DIAPH3: variants seen among roughly 807,000 people sequenced by gnomAD.
The protein encoded by DIAPH3 is diaphanous related formin 3, also known as protein diaphanous homolog 3.
A neutral mutation model predicts 144.3 loss-of-function variants in DIAPH3; 117 were observed. The observed-to-expected ratio is 0.81, with a 90% CI of 0.70 to 0.95. DIAPH3 has a LOEUF of 0.95. Among genes scored for constraint, DIAPH3 ranks in the 40% least tolerant of loss-of-function variants. The pLI, the probability that DIAPH3 is intolerant of heterozygous loss-of-function variation, is 0.00. For synonymous variants in DIAPH3, 519 were observed against 488.9 expected (o/e 1.06, Z -0.81); for missense variants, 1,421 against 1,412.7 (o/e 1.01, Z -0.09).
chr13:59,873,888 T>G (rs978665544), intron 21 of DIAPH3, among the ~76,000 whole-genome samples: 1 of 151,986 alleles, frequency 6.6e-6, no homozygotes, highest in Non-Finnish European at 1.5e-5. Context: ...GCCAGGCTGG[T>G]CTCAAACTCC....
At chr13:59,911,874 T>C (rs568190592) in intron 19 of DIAPH3, 38 bp from the exon 20 acceptor site, 1 of 1,367,652 alleles carries the variant, frequency 7.3e-7, no homozygotes, top group African/African-American at 1.4e-5. Context: ...CTTCACTAAA[T>C]GTACTTCTTG....
intron 4 of DIAPH3, among the ~76,000 whole-genome samples, chr13:60,093,286 C>A (rs1188461081): frequency 6.6e-6 from 1 of 152,124 alleles, no homozygotes; most frequent in Non-Finnish European, 1.5e-5. Flanking sequence ...AGAGTAAAAT[C>A]GGTCTCACTT....
intron 21 of DIAPH3, among the ~76,000 whole-genome samples, chr13:59,878,062 T>C (rs2044746794): frequency 6.6e-6 from 1 of 152,096 alleles, no homozygotes; most frequent in Admixed American, 6.6e-5. Context: ...ATGTGGAAAA[T>C]ATGAGTCTCA....
chr13:59,666,381 A>T lies in DIAPH3; in HGVS notation c.*203T>A. The T allele has an allele frequency of 3.9e-6, 2 of 509,122 alleles. No homozygotes were observed. Among genetic ancestry groups the T allele is most frequent in the Non-Finnish European group, 3.3e-6 (1 of 306,038 alleles). The allele number at this position is 509,122 out of a possible 1,614,324, so 31.5% of individuals were successfully genotyped here. A position where few individuals can be genotyped will look rare whatever the true frequency, so the allele number is the denominator to read the frequency against. ...ACAAAAAAAAAAAAAAAAGGATTAA[A>T]GCCCGGTACAATCTTGAATAAACCA... On this transcript the variant is annotated 3_prime_UTR_variant, in exon 28 of 28. Transcript: ENST00000400324.
intron 27 of DIAPH3, among the ~76,000 whole-genome samples, chr13:59,720,326 T>C (rs2035277252): frequency 6.6e-6 from 1 of 152,160 alleles, no homozygotes; most frequent in East Asian, 1.9e-4. Flanking sequence ...AAAATCTGAA[T>C]TTTGAACCAT....
intron 4 of DIAPH3, among the ~76,000 whole-genome samples, chr13:60,075,894 G>A (rs2057361764): frequency 6.6e-6 from 1 of 152,162 alleles, no homozygotes; most frequent in Admixed American, 6.5e-5. Context: ...TATCTTCCAT[G>A]GAATGCATAT....
intron 4 of DIAPH3, among the ~76,000 whole-genome samples, chr13:60,063,594 T>C (rs2056849497): frequency 6.6e-6 from 1 of 152,106 alleles, no homozygotes; most frequent in South Asian, 2.1e-4. Flanking sequence ...CCTTGATCCA[T>C]GGGATGCAGA....
At chr13:60,161,535 C>T (rs1307951803) in intron 1 of DIAPH3, among the ~76,000 whole-genome samples, 1 of 152,206 alleles carries the variant, frequency 6.6e-6, no homozygotes, top group African/African-American at 2.4e-5. Context: ...TCCAGTTCAA[C>T]AGGAAGGTGG....
chr13:60,125,394 A>ATTTTTTTTTTTGTTTTTTTTTTTTTT (rs2058961596), intron 2 of DIAPH3, among the ~76,000 whole-genome samples: 1 of 97,830 alleles, frequency 1.0e-5, no homozygotes, highest in Non-Finnish European at 2.0e-5. Flanking sequence ...CACCCAGCTA[A>ATTTTTTTTTTTGTTTTTTTTTTTTTT]TTTTTTTTTT....
chr13:59,921,700 CAA>C (rs1156355112), intron 18 of DIAPH3, among the ~76,000 whole-genome samples: 3 of 151,968 alleles, frequency 2.0e-5, no homozygotes, highest in African/African-American at 4.8e-5. Context: ...CAAAAAAAAT[CAA>C]AGAGTAGAGA....
At chr13:60,135,652 A>C (rs951056165) in intron 1 of DIAPH3, among the ~76,000 whole-genome samples, 1 of 152,238 alleles carries the variant, frequency 6.6e-6, no homozygotes, top group African/African-American at 2.4e-5. Context: ...TAACAGAGTA[A>C]GGAGCTGGAA....
intron 2 of DIAPH3, among the ~76,000 whole-genome samples, chr13:60,116,777 A>C (rs1346452313): frequency 6.6e-6 from 1 of 152,102 alleles, no homozygotes; most frequent in Admixed American, 6.5e-5. Flanking sequence ...CAGTAATAGA[A>C]GACATAAAAT....
chr13:59,827,536 G>T (rs1422304524), intron 24 of DIAPH3, among the ~76,000 whole-genome samples: 1 of 152,028 alleles, frequency 6.6e-6, no homozygotes, highest in East Asian at 1.9e-4. Context: ...GATGTCAGAT[G>T]AAATTTGCTT....
At chr13:59,759,462 T>C (rs2037460010) in intron 27 of DIAPH3, among the ~76,000 whole-genome samples, 1 of 152,194 alleles carries the variant, frequency 6.6e-6, no homozygotes, top group Non-Finnish European at 1.5e-5. Context: ...TTCTACAACA[T>C]AGTACCTAGA....
At chr13:59,991,468 ACTTCC>A (rs1476696649) in intron 11 of DIAPH3, among the ~76,000 whole-genome samples, 194 bp from the exon 12 acceptor site, 1 of 151,964 alleles carries the variant, frequency 6.6e-6, no homozygotes, top group African/African-American at 2.4e-5. Context: ...ACACTTCCTG[ACTTCC>A]CTTCTACAAT....
intron 27 of DIAPH3, among the ~76,000 whole-genome samples, chr13:59,773,150 A>C (rs1041762133): frequency 4.6e-5 from 7 of 152,174 alleles, no homozygotes; most frequent in Non-Finnish European, 8.8e-5. Context: ...GAGAAAGGCA[A>C]GACAAAAACA....
intron 27 of DIAPH3, among the ~76,000 whole-genome samples, chr13:59,748,276 G>A (rs970776463): frequency 3.9e-5 from 6 of 152,164 alleles, no homozygotes; most frequent in South Asian, 2.1e-4. Context: ...GCAGAGTGAC[G>A]GCGGAATATC....
At chr13:59,691,047 A>C (rs1244454724) in intron 27 of DIAPH3, among the ~76,000 whole-genome samples, 1 of 152,132 alleles carries the variant, frequency 6.6e-6, no homozygotes, top group Non-Finnish European at 1.5e-5. Flanking sequence ...CAAATAAAGA[A>C]GAATAGTAGG....
chr13:59,783,198 A>C (rs1264689111), intron 25 of DIAPH3, among the ~76,000 whole-genome samples: 1 of 152,184 alleles, frequency 6.6e-6, no homozygotes, highest in East Asian at 1.9e-4. Flanking sequence ...TAAGTTACAG[A>C]AGTGGTGAAA....
Sources: gnomAD v4.1 joint callset for allele counts (sites outside exome capture counted in the v4.1 genomes callset) on GRCh38, gnomAD v4.1.1 for gene constraint, MANE v1.5 for transcripts, NCBI Gene and HGNC (gene_info 2026-07-23, HGNC 2026-07-21) for gene names.